LHPP: variants seen among roughly 807,000 people sequenced by gnomAD.
LHPP encodes phospholysine phosphohistidine inorganic pyrophosphate phosphatase.
A neutral mutation model predicts 30.3 loss-of-function variants in LHPP; 24 were observed. The ratio of observed to expected loss-of-function variants is 0.79; its 90% CI spans 0.57 to 1.11. LHPP has a LOEUF of 1.11. Among genes scored for constraint, LHPP ranks in the 50% most tolerant of loss-of-function variants. The probability of loss-of-function intolerance (pLI) is 0.00; values close to 1 mark genes in which losing one functional copy is unlikely to be tolerated. For missense variants in LHPP, 356 were observed against 367.2 expected (o/e 0.97, Z 0.25); for synonymous variants, 150 against 157.1 (o/e 0.95, Z 0.34).
At chr10:124,483,543 G>T (rs1255081370) in intron 1 of LHPP, among the ~76,000 whole-genome samples, 1 of 152,134 alleles carries the variant, frequency 6.6e-6, no homozygotes, top group Non-Finnish European at 1.5e-5. Context: ...GACACCTGAG[G>T]TCAGGAGTTC....
chr10:124,526,643 C>T (rs1954746172), intron 6 of LHPP, among the ~76,000 whole-genome samples: 1 of 152,236 alleles, frequency 6.6e-6, no homozygotes, highest in Non-Finnish European at 1.5e-5. Context: ...CACACACGAC[C>T]TGCTGCTGAG....
At chr10:124,511,407 G>A (rs562772525) in intron 5 of LHPP, among the ~76,000 whole-genome samples, 1 of 152,300 alleles carries the variant, frequency 6.6e-6, no homozygotes, top group South Asian at 2.1e-4. Context: ...GGGGTGGGTG[G>A]AGGAAAGATC....
intron 6 of LHPP, among the ~76,000 whole-genome samples, chr10:124,611,976 G>A (rs1260386049): frequency 2.0e-5 from 3 of 152,182 alleles, no homozygotes; most frequent in Non-Finnish European, 2.9e-5. Context: ...CAGACGGGCC[G>A]CTCCCCACTT....
chr10:124,521,465 C>T (rs150960639), intron 6 of LHPP, among the ~76,000 whole-genome samples: 104 of 152,384 alleles, frequency 6.8e-4, no homozygotes, highest in African/African-American at 2.2e-3. Context: ...AGCCTCTCCT[C>T]TCCTGCAAGT....
chr10:124,539,503 G>A (rs78859852), intron 6 of LHPP, among the ~76,000 whole-genome samples: 5,846 of 152,220 alleles, frequency 0.038, 202 homozygotes, highest in East Asian at 0.12. Context: ...GCTCATGCTT[G>A]TAATCCCAGC....
chr10:124,497,105 T>G (rs1953738568), intron 4 of LHPP, 81 bp downstream of exon 4: 4 of 1,119,620 alleles, frequency 3.6e-6, no homozygotes, highest in Non-Finnish European at 4.0e-6. Context: ...GAGAAGAGGC[T>G]GTGCTTAATT....
chr10:124,524,567 G>A (rs568039423), intron 6 of LHPP, among the ~76,000 whole-genome samples: 8 of 152,214 alleles, frequency 5.3e-5, no homozygotes, highest in South Asian at 4.1e-4. Flanking sequence ...ATGAGCCACC[G>A]TGTCTGGCCT....
intron 6 of LHPP, among the ~76,000 whole-genome samples, chr10:124,606,733 C>T (rs1469165441): frequency 1.7e-4 from 26 of 152,192 alleles, no homozygotes; most frequent in Admixed American, 1.7e-3. Context: ...GGGCCTGGGG[C>T]AGGGGGAGGA....
chr10:124,551,557 A>G (rs1408124373), intron 6 of LHPP, among the ~76,000 whole-genome samples: 1 of 152,168 alleles, frequency 6.6e-6, no homozygotes, highest in Non-Finnish European at 1.5e-5. Flanking sequence ...GGTAAGGGTC[A>G]GGTGGTGGGA....
chr10:124,550,196 G>A (rs1480289233), intron 6 of LHPP, among the ~76,000 whole-genome samples: 1 of 152,252 alleles, frequency 6.6e-6, no homozygotes, highest in Non-Finnish European at 1.5e-5. Flanking sequence ...AGGGAGCCTG[G>A]TAAGCTGCCG....
chr10:124,493,690 C>T (rs1243721588), intron 3 of LHPP: 1 of 152,148 alleles, frequency 6.6e-6, no homozygotes, highest in Non-Finnish European at 1.5e-5. Flanking sequence ...CATCTGACTC[C>T]TCCTCCCGGG....
At chr10:124,572,520 G>A (rs12780587) in intron 6 of LHPP, among the ~76,000 whole-genome samples, 47,682 of 151,558 alleles carry the variant, frequency 0.31, 7,561 homozygotes, top group South Asian at 0.4. Flanking sequence ...AATCCCAGCT[G>A]CTCGGGAGGC....
chr10:124,586,729 T>C (rs1948808079), intron 6 of LHPP, among the ~76,000 whole-genome samples: 1 of 152,056 alleles, frequency 6.6e-6, no homozygotes, highest in African/African-American at 2.4e-5. Flanking sequence ...GGACCACAAC[T>C]CTCCTGTGGA....
At chr10:124,546,397 T>G (rs866703391) in intron 6 of LHPP, among the ~76,000 whole-genome samples, 2 of 147,288 alleles carry the variant, frequency 1.4e-5, no homozygotes, top group South Asian at 4.2e-4. Flanking sequence ...TTGTATGTTT[T>G]TTTGTTTGTT....
rs146455560 is a variant in LHPP, at chr10:124,481,189, A to G, written c.126-2950A>G. ...TTGCGTAAATCAGATGATTGGAGAC[A>G]CTGGTTAGTGTTACAAACAAAAACT... is the stretch of plus-strand genomic sequence containing the variant. On this transcript the variant is annotated intron_variant, in intron 1 of 6. Transcript: ENST00000368842. Among the ~76,000 whole-genome samples, 332 of 151,080 alleles carry G rather than the reference A, an allele frequency of 2.2e-3. 3 individuals are homozygous for G. Among genetic ancestry groups the G allele is most frequent in the African/African-American group, 7.3e-3 (301 of 41,446 alleles).
chr10:124,505,924 G>A (rs868198034), intron 5 of LHPP, among the ~76,000 whole-genome samples: 3 of 152,114 alleles, frequency 2.0e-5, no homozygotes, highest in African/African-American at 7.2e-5. Context: ...TGTCATAGGC[G>A]CTTTGCATTC....
rs1424001249 is a variant in LHPP at position 124,523,402 on chromosome 10, C to G, written c.716+6131C>G. Among the ~76,000 whole-genome samples, 2 of 152,300 alleles carry G rather than the reference C, an allele frequency of 1.3e-5. No homozygotes were observed. The highest frequency in any genetic ancestry group is 1.9e-4 in the East Asian group (1 of 5,174). ...TGCATGGCTGTGGAGCTGGCTGCGT[C>G]GGGAGGGAGAGTGCCCCCACGCCTG... is the stretch of plus-strand genomic sequence containing the variant. On this transcript the variant is annotated intron_variant, in intron 6 of 6. Transcript: ENST00000368842. This position sits in a 1 kb window ranked among gnomAD's most constrained non-coding sequence, Gnocchi z 4.2.
At chr10:124,463,124 C>T (rs1431291728) in intron 1 of LHPP, among the ~76,000 whole-genome samples, 5 of 152,210 alleles carry the variant, frequency 3.3e-5, no homozygotes, top group African/African-American at 1.2e-4. Context: ...CTGCCTCGGC[C>T]TCCCAAAGTG....
intron 6 of LHPP, among the ~76,000 whole-genome samples, chr10:124,551,202 G>A (rs988341186): frequency 6.6e-6 from 1 of 152,146 alleles, no homozygotes; most frequent in African/African-American, 2.4e-5. Context: ...CAGAGACTGC[G>A]CAGAAGGAGG....
Sources: allele counts gnomAD v4.1 joint callset (sites outside exome capture counted in the v4.1 genomes callset), GRCh38; gene constraint gnomAD v4.1.1; non-coding constraint Gnocchi (gnomAD v3.1); transcripts MANE v1.5; gene names NCBI Gene and HGNC (gene_info 2026-07-23, HGNC 2026-07-21).